Variants in VSTM4 observed in about 807,000 individuals in gnomAD.
VSTM4 encodes V-set and transmembrane domain containing 4, also known as V-set and transmembrane domain-containing protein 4.
Under a neutral mutation model 36.4 loss-of-function variants are expected in VSTM4, and 20 were observed. The observed-to-expected ratio is 0.55, with a 90% CI of 0.39 to 0.80. The LOEUF is 0.80. VSTM4 is among the 30% of genes least tolerant of loss of function. The pLI, the probability that VSTM4 is intolerant of heterozygous loss-of-function variation, is 0.00. For missense variants in VSTM4, 392 were observed against 404.5 expected (o/e 0.97, Z 0.26); for synonymous variants, 182 against 173.9 (o/e 1.05, Z -0.37).
intron 7 of VSTM4, among the ~76,000 whole-genome samples, chr10:49,020,590 G>A (rs959109925): frequency 2.0e-5 from 3 of 151,826 alleles, no homozygotes; most frequent in Admixed American, 2.0e-4. Flanking sequence ...TGAATATACT[G>A]AAAAAACTTT....
intron 7 of VSTM4, among the ~76,000 whole-genome samples, chr10:49,032,945 T>A (rs1843369475): frequency 6.6e-6 from 1 of 151,928 alleles, no homozygotes; most frequent in Admixed American, 6.5e-5. Flanking sequence ...ATTCTTTTTT[T>A]TTTTTTTGGT....
chr10:49,077,180 G>A (rs745418130), intron 4 of VSTM4, 39 bp downstream of exon 4: 2 of 1,595,292 alleles, frequency 1.3e-6, no homozygotes, highest in Non-Finnish European at 1.7e-6. Flanking sequence ...TGGTCGGGGT[G>A]TGCTCCCATC....
At chr10:49,104,832 G>C (rs770546757) in intron 2 of VSTM4, among the ~76,000 whole-genome samples, 10 of 113,024 alleles carry the variant, frequency 8.8e-5, no homozygotes, top group South Asian at 2.2e-4. Context: ...GAGAGACACA[G>C]AGAGAGAGAG....
At chr10:49,113,904 C>A (rs1298034517) in intron 1 of VSTM4, among the ~76,000 whole-genome samples, 1 of 152,164 alleles carries the variant, frequency 6.6e-6, no homozygotes. Context: ...ACAGCCAGGG[C>A]AGACTCTAAA....
At chr10:49,111,347 G>T (rs908652014) in intron 1 of VSTM4, among the ~76,000 whole-genome samples, 7 of 152,200 alleles carry the variant, frequency 4.6e-5, no homozygotes, top group African/African-American at 1.7e-4. Flanking sequence ...AGGACGAGGG[G>T]AAGCAGGTGC....
At chr10:49,104,872 GAGAC>G (rs1844738385) in intron 2 of VSTM4, among the ~76,000 whole-genome samples, 1 of 145,958 alleles carries the variant, frequency 6.9e-6, no homozygotes, top group African/African-American at 2.7e-5. Context: ...GAGAGAGAAA[GAGAC>G]AGAGATACAA....
rs149702925 is a variant in VSTM4 at position 49,070,631 on chromosome 10, G to C, written c.635-5895C>G. 2.1e-3 allele frequency among the ~76,000 whole-genome samples: 314 copies of C among 152,338 alleles called. 1 individual carries two copies. The highest frequency in any genetic ancestry group is 6.9e-3 in the African/African-American group (289 of 41,588). ...TACCTCCCACAGCCCCAAGAGGTAAGAGGAACCTTCATTCCAATGTTAGAG... is the reference window on the plus strand; with the variant it reads ...TACCTCCCACAGCCCCAAGAGGTAACAGGAACCTTCATTCCAATGTTAGAG... On this transcript the variant is annotated intron_variant, in intron 4 of 7. Transcript: ENST00000332853.
intron 2 of VSTM4, among the ~76,000 whole-genome samples, chr10:49,107,189 G>A (rs564749015): frequency 1.3e-5 from 2 of 152,270 alleles, no homozygotes; most frequent in Admixed American, 6.5e-5. Flanking sequence ...TCAGAGTTGA[G>A]TCCAGTTCAT....
intron 2 of VSTM4, among the ~76,000 whole-genome samples, chr10:49,091,748 C>T (rs1167293936): frequency 2.0e-5 from 3 of 152,210 alleles, no homozygotes; most frequent in Non-Finnish European, 4.4e-5. Context: ...TACTCACCCA[C>T]GGAAGTGATG....
intron 3 of VSTM4, among the ~76,000 whole-genome samples, chr10:49,083,380 A>C (rs1403265238): frequency 1.3e-5 from 2 of 152,142 alleles, no homozygotes; most frequent in Non-Finnish European, 2.9e-5. Flanking sequence ...TCCATCCACA[A>C]CCCCTACTGT....
chr10:49,107,772 G>A lies in VSTM4; in HGVS notation c.279C>T (p.Ser93=), dbSNP rs111748147. The change falls in exon 2 of 8, where the codon AGC becomes AGT. Residue 93 remains serine, a synonymous_variant. Transcript: ENST00000332853. The stretch of plus-strand genomic sequence containing the variant: ...GCAGGCGCAGCCTCCGCCGTTTGGC[G>A]CTGCGGCTGAAATTCCCATAGTACT... ...VVQYYGNFSR[S]AKRRRLRLLE... 1.2e-3 allele frequency: 2,016 copies of A among 1,614,202 alleles called. 16 individuals are homozygous for A. The African/African-American group carries it at 0.019, about 15-fold the overall frequency.
At chr10:49,039,173 G>A (rs1055062237) in intron 7 of VSTM4, among the ~76,000 whole-genome samples, 6 of 152,100 alleles carry the variant, frequency 3.9e-5, no homozygotes, top group African/African-American at 1.4e-4. Context: ...GGTGGTGAGT[G>A]AGCCACATCT....
rs1355876564 is a variant in VSTM4 at position 49,070,126 on chromosome 10, G to A, written c.635-5390C>T. On this transcript the variant is annotated intron_variant, in intron 4 of 7. Coordinates refer to ENST00000332853, the MANE Select transcript of VSTM4 (RefSeq NM_001031746.5). Reference sequence around the variant, plus strand: ...AAATCAGCCGGGCGTAGTGGCGGGCGCCTGTAGTCCCAGCTACTTGGGAGG... The same window carrying A: ...AAATCAGCCGGGCGTAGTGGCGGGCACCTGTAGTCCCAGCTACTTGGGAGG... Among the ~76,000 whole-genome samples the A allele has an allele frequency of 1.2e-4, 14 of 112,214 alleles. 6 individuals are homozygous for A. In the East Asian group the frequency reaches 2.1e-3, roughly 17 times the overall value. 73.6% of individuals were successfully genotyped at this position (112,214 alleles called of 152,430 possible).
At chr10:49,077,106 TC>T in intron 4 of VSTM4, 112 bp downstream of exon 4, 3 of 1,056,788 alleles carry the variant, frequency 2.8e-6, no homozygotes, top group Non-Finnish European at 4.2e-6. Context: ...AGGTAAATAA[TC>T]CCTGACTCAC....
chr10:49,035,874 A>T (rs1564568519), intron 7 of VSTM4, among the ~76,000 whole-genome samples: 1 of 152,076 alleles, frequency 6.6e-6, no homozygotes, highest in Non-Finnish European at 1.5e-5. Context: ...CTTGAAAGTA[A>T]CTGTGTCACT....
chr10:49,019,683 G>GTTC lies in VSTM4; in HGVS notation c.929_930insGAA (p.Tyr310delinsTer), dbSNP rs1564562522. 6.2e-7 allele frequency: 1 copy of GTTC among 1,613,872 alleles called. No homozygotes were observed. Among genetic ancestry groups the GTTC allele is most frequent in the East Asian group, 2.2e-5 (1 of 44,896 alleles). On this transcript the variant is annotated stop_gained, in exon 8 of 8. Coordinates refer to ENST00000332853, the MANE Select transcript of VSTM4 (RefSeq NM_001031746.5). LOFTEE classifies it high-confidence loss of function. ...TGTTCTCCTCGAAGAGGATCTGGGCGTAGACAGTGCTGGTGGGGGCGCCTT... is the reference window on the plus strand; with the variant it reads ...TGTTCTCCTCGAAGAGGATCTGGGCGTTCTAGACAGTGCTGGTGGGGGCGCCTT...
chr10:49,094,362 G>A (rs1844532786), intron 2 of VSTM4, among the ~76,000 whole-genome samples: 1 of 152,218 alleles, frequency 6.6e-6, no homozygotes, highest in African/African-American at 2.4e-5. Context: ...GTCCAAAGAT[G>A]ATTCCTAACC....
chr10:49,055,277 A>C (rs1177430841), intron 5 of VSTM4, among the ~76,000 whole-genome samples: 1 of 152,178 alleles, frequency 6.6e-6, no homozygotes, highest in Non-Finnish European at 1.5e-5. Context: ...ACTTCCAGAA[A>C]CGTCCATGTA....
At chr10:49,106,980 C>T (rs1844794338) in intron 2 of VSTM4, among the ~76,000 whole-genome samples, 1 of 152,228 alleles carries the variant, frequency 6.6e-6, no homozygotes, top group South Asian at 2.1e-4. Context: ...ACAAAACCCC[C>T]ATCTCCCCAT....
Sources: allele counts gnomAD v4.1 joint callset (sites outside exome capture counted in the v4.1 genomes callset), GRCh38; gene constraint gnomAD v4.1.1; transcripts MANE v1.5; gene names NCBI Gene and HGNC (gene_info 2026-07-23, HGNC 2026-07-21).